The following CSMD3 variants were observed in gnomAD, a reference collection of about 807,000 sequenced individuals.
CSMD3 encodes the protein CUB and Sushi multiple domains 3.
In CSMD3, 177 loss-of-function variants were observed where a neutral mutation model predicts 435.2. The ratio of observed to expected loss-of-function variants is 0.41; its 90% CI spans 0.36 to 0.46. The LOEUF (loss-of-function observed/expected upper bound fraction) is 0.46, where lower values mean the gene tolerates loss of function less well. Ranked by LOEUF, CSMD3 falls within the 20% of genes least tolerant of loss-of-function variation. The pLI is 0.34. For synonymous variants in CSMD3, 1,656 were observed against 1,520.5 expected (o/e 1.09, Z -2.07); for missense variants, 4,265 against 4,504.6 (o/e 0.95, Z 1.52).
intron 49 of CSMD3, 141 bp downstream of exon 49, chr8:112,313,765 G>A (rs551443489): frequency 6.2e-6 from 4 of 645,666 alleles, no homozygotes; most frequent in African/African-American, 1.8e-5. Flanking sequence ...AAATAGAGAG[G>A]TTACATAAAT....
At chr8:112,386,273 A>G (rs1240704577) in intron 36 of CSMD3, among the ~76,000 whole-genome samples, 1 of 152,220 alleles carries the variant, frequency 6.6e-6, no homozygotes, top group East Asian at 1.9e-4. Flanking sequence ...GTTTGTAACT[A>G]TAAAACTCAT....
intron 63 of CSMD3, among the ~76,000 whole-genome samples, chr8:112,253,708 T>G (rs1236396501): frequency 6.6e-6 from 1 of 152,036 alleles, no homozygotes. Context: ...TGACTGGGCA[T>G]GCCAAAGAAT....
chr8:112,234,270 T>G, intron 68 of CSMD3, 95 bp downstream of exon 68: 1 of 770,694 alleles, frequency 1.3e-6, no homozygotes, highest in Non-Finnish European at 2.3e-6. Context: ...GTGTATGTAT[T>G]CATAATTAGC....
intron 7 of CSMD3, among the ~76,000 whole-genome samples, chr8:112,960,007 A>G (rs534474240): frequency 3.3e-5 from 5 of 151,974 alleles, no homozygotes; most frequent in African/African-American, 1.2e-4. Context: ...ATTTAGGAGT[A>G]GAATTTGGGT....
rs192146467 is a variant in CSMD3, at chr8:112,469,401, G to A, written c.5395+3190C>T. ...ATATGTGATTTTCTTTTTACATAAGGATGTTAGAGCCTTAACCCCTATGTA... is the reference window on the plus strand; with the variant it reads ...ATATGTGATTTTCTTTTTACATAAGAATGTTAGAGCCTTAACCCCTATGTA... On this transcript the variant is annotated intron_variant, in intron 32 of 70. Coordinates refer to ENST00000297405, the MANE Select transcript of CSMD3 (RefSeq NM_198123.2). Among the ~76,000 whole-genome samples the A allele has an allele frequency of 2.0e-5, 3 of 152,090 alleles. No homozygotes were observed. In the East Asian group the frequency reaches 5.8e-4, roughly 29 times the overall value.
chr8:112,272,981 G>C (rs1017384754), intron 59 of CSMD3, among the ~76,000 whole-genome samples: 1 of 152,074 alleles, frequency 6.6e-6, no homozygotes, highest in African/African-American at 2.4e-5. Context: ...GCAATTCATT[G>C]TTGAAAAGCT....
Position 112,617,649 on chromosome 8 carries a change from A to C in CSMD3, c.3715+19168T>G, listed in dbSNP as rs368211011. ...GAAATTCCATGGCCAGTGGACATAC[A>C]GGTTAACTATCTTTTGTCTGTTATG... On this transcript the variant is annotated intron_variant, in intron 22 of 70. Transcript: ENST00000297405. Among the ~76,000 whole-genome samples the C allele has an allele frequency of 8.5e-5, 13 of 152,296 alleles. No individual in the cohort carries two copies. In the East Asian group the frequency reaches 2.1e-3, roughly 25 times the overall value.
chr8:112,466,763 A>G (rs1295981880), intron 32 of CSMD3, among the ~76,000 whole-genome samples: 1 of 152,216 alleles, frequency 6.6e-6, no homozygotes, highest in East Asian at 1.9e-4. Context: ...ATCACACTTA[A>G]TAACCACTAT....
intron 23 of CSMD3, among the ~76,000 whole-genome samples, chr8:112,581,392 T>C (rs1830326509): frequency 6.6e-6 from 1 of 152,096 alleles, no homozygotes; most frequent in South Asian, 2.1e-4. Flanking sequence ...TGAGTGGGCA[T>C]GTTTATCTAA....
At chr8:112,535,312 C>A (rs890835976) in intron 27 of CSMD3, among the ~76,000 whole-genome samples, 4 of 152,188 alleles carry the variant, frequency 2.6e-5, no homozygotes, top group African/African-American at 9.6e-5. Flanking sequence ...TGATAAGCAA[C>A]TTCGGCAAAG....
intron 13 of CSMD3, among the ~76,000 whole-genome samples, chr8:112,763,131 T>G (rs1484921532): frequency 1.3e-5 from 2 of 151,762 alleles, no homozygotes; most frequent in African/African-American, 4.8e-5. Context: ...TGTACATATA[T>G]TTCAAATATC....
At chr8:112,470,144 G>A (rs772209178) in intron 32 of CSMD3, among the ~76,000 whole-genome samples, 4 of 152,178 alleles carry the variant, frequency 2.6e-5, no homozygotes, top group African/African-American at 7.2e-5. Flanking sequence ...AAAATTGTAC[G>A]GGATCATTAG....
chr8:113,340,868 C>CA (rs5894141), intron 1 of CSMD3, among the ~76,000 whole-genome samples: 28 of 143,196 alleles, frequency 2.0e-4, no homozygotes, highest in African/African-American at 5.9e-4. Context: ...GACTTTGTCT[C>CA]AAAAAAAAAA....
chr8:112,388,958 G>A (rs1830188021), intron 36 of CSMD3, among the ~76,000 whole-genome samples: 2 of 152,098 alleles, frequency 1.3e-5, no homozygotes, highest in South Asian at 4.1e-4. Flanking sequence ...AGCTACAGAT[G>A]TAGAAGAGAA....
chr8:112,971,305 C>T (rs1409747065), intron 7 of CSMD3, among the ~76,000 whole-genome samples: 3 of 152,082 alleles, frequency 2.0e-5, no homozygotes, highest in Non-Finnish European at 4.4e-5. Context: ...TAACAACCAT[C>T]CTATGACACA....
chr8:113,213,466 C>T (rs769229722), intron 3 of CSMD3, among the ~76,000 whole-genome samples: 3 of 152,030 alleles, frequency 2.0e-5, no homozygotes, highest in Admixed American at 6.6e-5. Flanking sequence ...CAGAGGACAA[C>T]CGTACCCAAA....
chr8:113,127,498 TC>T (rs1216290304), intron 4 of CSMD3, among the ~76,000 whole-genome samples: 1 of 151,900 alleles, frequency 6.6e-6, no homozygotes, highest in Non-Finnish European at 1.5e-5. Flanking sequence ...ACCCTCTGTC[TC>T]CTACTTTCCC....
At chr8:112,712,762 C>T (rs542174634) in intron 13 of CSMD3, among the ~76,000 whole-genome samples, 2 of 150,634 alleles carry the variant, frequency 1.3e-5, no homozygotes, top group African/African-American at 4.9e-5. Flanking sequence ...TACCACAATC[C>T]CTTGACATGC....
At chr8:112,861,956 G>A (rs1020275014) in intron 10 of CSMD3, among the ~76,000 whole-genome samples, 1 of 151,936 alleles carries the variant, frequency 6.6e-6, no homozygotes, top group Non-Finnish European at 1.5e-5. Context: ...CTTTCATGAT[G>A]TAGGTACGTT....
Sources: gnomAD v4.1 joint callset for allele counts (sites outside exome capture counted in the v4.1 genomes callset) on GRCh38, gnomAD v4.1.1 for gene constraint, MANE v1.5 for transcripts, NCBI Gene and HGNC (gene_info 2026-07-23, HGNC 2026-07-21) for gene names.